The following PRELID2 variants were observed in gnomAD, a reference collection of about 807,000 sequenced individuals.
PRELID2 encodes PRELI domain containing 2.
PRELID2 carries 25 observed loss-of-function variants against 28.4 expected under a neutral mutation model. That is an observed-to-expected ratio of 0.88 (90% CI 0.64 to 1.23). PRELID2 has a LOEUF of 1.23. Among genes scored for constraint, PRELID2 ranks in the 50% most tolerant of loss-of-function variants. The probability of loss-of-function intolerance (pLI) is 0.00; values close to 1 mark genes in which losing one functional copy is unlikely to be tolerated. For missense variants in PRELID2, 201 were observed against 214.4 expected (o/e 0.94, Z 0.39); for synonymous variants, 76 against 71.6 (o/e 1.06, Z -0.31).
chr5:145,619,747 G>A (rs751866723), intron 1 of PRELID2, among the ~76,000 whole-genome samples: 2 of 152,088 alleles, frequency 1.3e-5, no homozygotes, highest in African/African-American at 2.4e-5. Context: ...CTCAACATCC[G>A]ACAATTCAAT....
At chr5:145,574,361 G>A (rs1363554) in intron 1 of PRELID2, among the ~76,000 whole-genome samples, 16,280 of 152,158 alleles carry the variant, frequency 0.11, 2,365 homozygotes, top group African/African-American at 0.33. Flanking sequence ...CTCCATAATC[G>A]TAAGATAATA....
chr5:145,306,432 A>G, the PRELID2 span, among the ~76,000 whole-genome samples: 1 of 152,234 alleles, frequency 6.6e-6, no homozygotes, highest in East Asian at 1.9e-4. Context: ...AATTCCATTA[A>G]TTACAATGGC....
the PRELID2 span, among the ~76,000 whole-genome samples, chr5:145,463,701 C>G: frequency 6.6e-6 from 1 of 152,090 alleles, no homozygotes; most frequent in African/African-American, 2.4e-5. Flanking sequence ...CAGAAGCCTA[C>G]AGGGGCCTGA....
chr5:145,785,472 C>G (rs533031279), intron 5 of PRELID2, among the ~76,000 whole-genome samples: 1 of 152,152 alleles, frequency 6.6e-6, no homozygotes. Flanking sequence ...ATGTATACTA[C>G]GATAGTATGA....
chr5:145,424,499 C>T, the PRELID2 span, among the ~76,000 whole-genome samples: 2 of 152,188 alleles, frequency 1.3e-5, no homozygotes, highest in African/African-American at 4.8e-5. Flanking sequence ...ACCCGATTTT[C>T]CAGGTGCCGT....
the PRELID2 span, among the ~76,000 whole-genome samples, chr5:145,314,255 G>A: frequency 6.6e-6 from 1 of 152,210 alleles, no homozygotes; most frequent in African/African-American, 2.4e-5. Flanking sequence ...AAGAATTAAA[G>A]TGTATGTCTA....
chr5:145,766,903 G>A (rs1581161745), intron 5 of PRELID2, among the ~76,000 whole-genome samples: 1 of 152,140 alleles, frequency 6.6e-6, no homozygotes. Context: ...GTCTACCCAA[G>A]AGTGTATTTG....
intron 1 of PRELID2, among the ~76,000 whole-genome samples, chr5:145,697,879 G>T (rs766083897): frequency 1.5e-4 from 23 of 151,900 alleles, no homozygotes; most frequent in Admixed American, 2.6e-4. Flanking sequence ...AAGCTGTTTC[G>T]ATTTCAGCTG....
chr5:145,650,417 C>T (rs1272037280), intron 1 of PRELID2, among the ~76,000 whole-genome samples: 3 of 151,138 alleles, frequency 2.0e-5, no homozygotes, highest in Admixed American at 2.0e-4. Context: ...TGTATCATTC[C>T]GCCTGTTTAG....
intron 2 of PRELID2, among the ~76,000 whole-genome samples, chr5:145,820,929 ACC>A (rs1211981220): frequency 6.6e-6 from 1 of 152,046 alleles, no homozygotes; most frequent in Non-Finnish European, 1.5e-5. Flanking sequence ...GTGTGGTCTG[ACC>A]TTTCGACTTG....
At chr5:145,571,777 C>T (rs764700586) in intron 1 of PRELID2, among the ~76,000 whole-genome samples, 2 of 152,016 alleles carry the variant, frequency 1.3e-5, no homozygotes, top group Non-Finnish European at 2.9e-5. Context: ...ATCAGGAGAT[C>T]GAGACCACCC....
At chr5:145,799,437 CTGCTA>C (rs1190465131) in intron 4 of PRELID2, among the ~76,000 whole-genome samples, 1 of 152,120 alleles carries the variant, frequency 6.6e-6, no homozygotes, top group Non-Finnish European at 1.5e-5. Context: ...GCCATACTGA[CTGCTA>C]GAGGCCCACA....
At chr5:145,259,386 C>G in the PRELID2 span, among the ~76,000 whole-genome samples, 8 of 152,176 alleles carry the variant, frequency 5.3e-5, no homozygotes, top group Admixed American at 5.2e-4. Context: ...CACTCTAGAT[C>G]AGGCCTTAAA....
intron 1 of PRELID2, among the ~76,000 whole-genome samples, chr5:145,649,555 A>G (rs1754254498): frequency 6.6e-6 from 1 of 152,222 alleles, no homozygotes; most frequent in South Asian, 2.1e-4. Flanking sequence ...TAACCTCGTC[A>G]TAAGTCAAGG....
chr5:145,419,904 T>G, the PRELID2 span, among the ~76,000 whole-genome samples: 4 of 152,068 alleles, frequency 2.6e-5, no homozygotes, highest in African/African-American at 9.7e-5. Context: ...AATTGATTTT[T>G]GTATAAGGTG....
At chr5:145,405,714 T>G in the PRELID2 span, among the ~76,000 whole-genome samples, 11 of 148,118 alleles carry the variant, frequency 7.4e-5, no homozygotes, top group African/African-American at 1.0e-4. Flanking sequence ...TTTTTTTTTT[T>G]TTTTTTTTTT....
downstream of PRELID2, among the ~76,000 whole-genome samples, chr5:145,469,666 G>A (rs933454059): frequency 6.6e-6 from 1 of 152,084 alleles, no homozygotes; most frequent in African/African-American, 2.4e-5. Context: ...CTTGTGATGG[G>A]TAGGAATCTT....
chr5:145,259,711 A>G, the PRELID2 span, among the ~76,000 whole-genome samples: 1 of 152,174 alleles, frequency 6.6e-6, no homozygotes, highest in Non-Finnish European at 1.5e-5. Context: ...TCATAGGCAG[A>G]AGGGACTAGC....
chr5:145,367,286 T>TA, the PRELID2 span, among the ~76,000 whole-genome samples: 168 of 152,094 alleles, frequency 1.1e-3, 1 homozygote, highest in African/African-American at 3.9e-3. Context: ...TCTGAATTTT[T>TA]AAGTAGACTT....
Sources: allele counts gnomAD v4.1 joint callset (sites outside exome capture counted in the v4.1 genomes callset), GRCh38; gene constraint gnomAD v4.1.1; transcripts MANE v1.5; gene names NCBI Gene and HGNC (gene_info 2026-07-23, HGNC 2026-07-21).